CNOT2: variants seen among roughly 807,000 people sequenced by gnomAD.
CNOT2 encodes the protein CCR4-NOT transcription complex subunit 2, also known as CC chemokine receptor 4-negative regulator of transcription 2.
Under a neutral mutation model 72.1 loss-of-function variants are expected in CNOT2, and 7 were observed. The observed-to-expected ratio is 0.10, with a 90% CI of 0.06 to 0.18. The LOEUF (loss-of-function observed/expected upper bound fraction) is 0.18, where lower values mean the gene tolerates loss of function less well. Ranked by LOEUF, CNOT2 falls within the 10% of genes least tolerant of loss-of-function variation. CNOT2 has a pLI of 1.00. For missense variants in CNOT2, 345 were observed against 660.3 expected (o/e 0.52, Z 5.23); for synonymous variants, 196 against 225.6 (o/e 0.87, Z 1.17).
intron 1 of CNOT2, among the ~76,000 whole-genome samples, chr12:70,252,999 G>A (rs1958226215): frequency 6.6e-6 from 1 of 152,190 alleles, no homozygotes; most frequent in African/African-American, 2.4e-5. Context: ...CAAGAATGCA[G>A]TCTTGCTCTT....
intron 15 of CNOT2, among the ~76,000 whole-genome samples, chr12:70,349,073 G>T (rs550652592): frequency 6.6e-6 from 1 of 152,026 alleles, no homozygotes; most frequent in Non-Finnish European, 1.5e-5. Context: ...AGGCAGAATT[G>T]TTGGTATTAA....
chr12:70,346,057 C>T lies in CNOT2; in HGVS notation c.1392-123C>T, dbSNP rs1882127215. The T allele has an allele frequency of 4.9e-6, 3 of 613,562 alleles. No homozygotes were observed. The Admixed American group carries it at 9.3e-5, about 19-fold the overall frequency. 38.0% of individuals were successfully genotyped at this position (613,562 alleles called of 1,614,324 possible). A position where few individuals can be genotyped will look rare whatever the true frequency, so the allele number is the denominator to read the frequency against. ...TAACTTATAATAAATGAGTAGGAAG[C>T]ATTCATATTTATTTATTTTATGTGT... On this transcript the variant is annotated intron_variant, in intron 14 of 15. Coordinates refer to ENST00000229195, the MANE Select transcript of CNOT2 (RefSeq NM_014515.7).
rs975349990 is a variant in CNOT2, at chr12:70,354,755, C to T, written c.*840C>T. On this transcript the variant is annotated 3_prime_UTR_variant, in exon 16 of 16. Coordinates refer to ENST00000229195, the MANE Select transcript of CNOT2 (RefSeq NM_014515.7). Reference sequence around the variant, plus strand: ...ATGCAATATATGAAAATGGGACATTCTGGAACTGCTGGTCAGGGGACTTTG... The same window carrying T: ...ATGCAATATATGAAAATGGGACATTTTGGAACTGCTGGTCAGGGGACTTTG... 2 of 152,554 alleles carry T rather than the reference C, an allele frequency of 1.3e-5. No individual in the cohort carries two copies. Among genetic ancestry groups the T allele is most frequent in the Non-Finnish European group, 2.9e-5 (2 of 68,026 alleles). 9.5% of individuals were successfully genotyped at this position (152,554 alleles called of 1,614,324 possible). A position where few individuals can be genotyped will look rare whatever the true frequency, so the allele number is the denominator to read the frequency against.
Position 70,250,918 on chromosome 12 carries a change from A to G in CNOT2, c.-96+7438A>G, listed in dbSNP as rs957541107. Reference sequence around the variant, plus strand: ...ATTGTGGTGGACCCAGTAATCTGTAATAGGTTTTACAAAGAGCAATAGGAA... The same window carrying G: ...ATTGTGGTGGACCCAGTAATCTGTAGTAGGTTTTACAAAGAGCAATAGGAA... On this transcript the variant is annotated intron_variant, in intron 1 of 15. Transcript: ENST00000229195. Among the ~76,000 whole-genome samples, 4 of 152,234 alleles carry G rather than the reference A, an allele frequency of 2.6e-5. No individual in the cohort carries two copies. In the East Asian group the frequency reaches 5.8e-4, roughly 22 times the overall value.
chr12:70,316,201 G>A (rs943432667), intron 3 of CNOT2, among the ~76,000 whole-genome samples: 1 of 152,092 alleles, frequency 6.6e-6, no homozygotes, highest in African/African-American at 2.4e-5. Context: ...CTTTTTACTT[G>A]TGCTGCATCC....
At chr12:70,245,753 A>G (rs774571343) in intron 1 of CNOT2, among the ~76,000 whole-genome samples, 14 of 152,206 alleles carry the variant, frequency 9.2e-5, no homozygotes, top group Admixed American at 2.6e-4. Flanking sequence ...AAAAAAATTC[A>G]GAATGATACA....
chr12:70,307,465 A>G (rs889291132), intron 2 of CNOT2, among the ~76,000 whole-genome samples: 1 of 152,150 alleles, frequency 6.6e-6, no homozygotes, highest in Admixed American at 6.5e-5. Context: ...TCACTAGGCA[A>G]TAGGAATTTT....
chr12:70,346,104 A>G (rs373905596), intron 14 of CNOT2, 76 bp from the exon 15 acceptor site: 2 of 962,490 alleles, frequency 2.1e-6, no homozygotes, highest in Non-Finnish European at 3.1e-6. Flanking sequence ...TCCGGAGGAA[A>G]GCTTTACAAA....
At chr12:70,247,011 A>T (rs1002174273) in intron 1 of CNOT2, among the ~76,000 whole-genome samples, 2 of 152,182 alleles carry the variant, frequency 1.3e-5, no homozygotes, top group Admixed American at 1.3e-4. Flanking sequence ...AAATACAAAA[A>T]AGTGAATTAT....
At chr12:70,259,798 T>C (rs1161350802) in intron 1 of CNOT2, among the ~76,000 whole-genome samples, 2 of 152,234 alleles carry the variant, frequency 1.3e-5, no homozygotes, top group Non-Finnish European at 2.9e-5. Context: ...CTTTCCTTTA[T>C]CATGAGACTG....
At chr12:70,283,618 A>G (rs1315829884) in intron 2 of CNOT2, among the ~76,000 whole-genome samples, 1 of 150,630 alleles carries the variant, frequency 6.6e-6, no homozygotes, top group Non-Finnish European at 1.5e-5. Flanking sequence ...GTGAAGATGA[A>G]TAAGAGCGAC....
chr12:70,281,464 C>T (rs1869832214), intron 2 of CNOT2, among the ~76,000 whole-genome samples: 1 of 152,214 alleles, frequency 6.6e-6, no homozygotes, highest in South Asian at 2.1e-4. Context: ...TCCTTACATC[C>T]ATTTACCTTT....
chr12:70,293,882 T>C (rs1315650659), intron 2 of CNOT2, among the ~76,000 whole-genome samples: 2 of 150,308 alleles, frequency 1.3e-5, no homozygotes, highest in Admixed American at 6.6e-5. Flanking sequence ...TTGCATTTTC[T>C]GGAAAAGTGT....
intron 2 of CNOT2, among the ~76,000 whole-genome samples, chr12:70,287,271 C>T (rs1302177033): frequency 6.8e-6 from 1 of 147,616 alleles, no homozygotes; most frequent in African/African-American, 2.4e-5. Context: ...TGCGTTTTCC[C>T]CTTATTTGGT....
chr12:70,282,817 A>G (rs1870101015), intron 2 of CNOT2, among the ~76,000 whole-genome samples: 1 of 151,980 alleles, frequency 6.6e-6, no homozygotes, highest in Non-Finnish European at 1.5e-5. Context: ...ATTGTGTGGC[A>G]ATTTTTTGGA....
At chr12:70,317,636 T>A (rs1257330461) in intron 3 of CNOT2, among the ~76,000 whole-genome samples, 3 of 130,098 alleles carry the variant, frequency 2.3e-5, no homozygotes, top group Non-Finnish European at 3.3e-5. Flanking sequence ...TTTTTTTTTT[T>A]AGAAAAATCA....
intron 2 of CNOT2, among the ~76,000 whole-genome samples, chr12:70,299,590 A>G (rs1236129992): frequency 3.3e-5 from 5 of 152,214 alleles, no homozygotes; most frequent in African/African-American, 7.2e-5. Flanking sequence ...TCCATGGTGT[A>G]TATGTGCCAC....
chr12:70,274,579 A>G (rs1028473948), intron 1 of CNOT2, among the ~76,000 whole-genome samples: 1 of 152,118 alleles, frequency 6.6e-6, no homozygotes, highest in South Asian at 2.1e-4. Context: ...TTTAAATACT[A>G]TTGAGTAATG....
chr12:70,300,528 G>A (rs1305023921), intron 2 of CNOT2, among the ~76,000 whole-genome samples: 2 of 152,206 alleles, frequency 1.3e-5, no homozygotes, highest in Non-Finnish European at 2.9e-5. Context: ...TCAGATGGTT[G>A]TAGATATGTG....
Sources: gnomAD v4.1 joint callset for allele counts (sites outside exome capture counted in the v4.1 genomes callset) on GRCh38, gnomAD v4.1.1 for gene constraint, MANE v1.5 for transcripts, NCBI Gene and HGNC (gene_info 2026-07-23, HGNC 2026-07-21) for gene names.